Variants in HIRA observed in about 807,000 individuals in gnomAD.
The protein encoded by HIRA is histone cell cycle regulator, also known as protein HIRA.
A neutral mutation model predicts 126.6 loss-of-function variants in HIRA; 13 were observed. The ratio of observed to expected loss-of-function variants is 0.10; its 90% CI spans 0.07 to 0.16. The LOEUF (loss-of-function observed/expected upper bound fraction) is 0.16, where lower values mean the gene tolerates loss of function less well. HIRA is among the 10% of genes least tolerant of loss of function. HIRA has a pLI of 1.00. For synonymous variants in HIRA, 511 were observed against 520.0 expected (o/e 0.98, Z 0.24); for missense variants, 834 against 1,314.4 (o/e 0.63, Z 5.65).
chr22:19,346,829 A>G (rs1345860470), intron 24 of HIRA, among the ~76,000 whole-genome samples: 1 of 152,178 alleles, frequency 6.6e-6, no homozygotes, highest in East Asian at 1.9e-4. Flanking sequence ...CGGGTGGTAC[A>G]TACTGACAGG....
At chr22:19,429,069 A>C (rs1479258952) in intron 1 of HIRA, among the ~76,000 whole-genome samples, 1 of 152,120 alleles carries the variant, frequency 6.6e-6, no homozygotes, top group Non-Finnish European at 1.5e-5. Flanking sequence ...TTTTAAAAGA[A>C]AGGAAATTTA....
chr22:19,390,951 T>C (rs1260495465), intron 9 of HIRA, among the ~76,000 whole-genome samples: 1 of 145,774 alleles, frequency 6.9e-6, no homozygotes, highest in Admixed American at 6.6e-5. Flanking sequence ...CACTTGGTAC[T>C]ATTTTTTTGT....
intron 1 of HIRA, among the ~76,000 whole-genome samples, chr22:19,415,842 C>G (rs549401842): frequency 6.6e-6 from 1 of 151,988 alleles, no homozygotes; most frequent in Non-Finnish European, 1.5e-5. Context: ...TTAATGCAAT[C>G]CCTATGAAAA....
At chr22:19,411,691 T>C (rs955184389) in intron 1 of HIRA, among the ~76,000 whole-genome samples, 19 of 152,218 alleles carry the variant, frequency 1.2e-4, no homozygotes, top group South Asian at 6.2e-4. Context: ...GCATCAACAA[T>C]TGCTGATATA....
chr22:19,352,249 C>T (rs1294446748), intron 23 of HIRA, among the ~76,000 whole-genome samples: 1 of 151,560 alleles, frequency 6.6e-6, no homozygotes, highest in African/African-American at 2.4e-5. Flanking sequence ...AGATGGGTGG[C>T]GGGGCGGAGA....
At chr22:19,367,214 T>C (rs2088921732) in intron 15 of HIRA, among the ~76,000 whole-genome samples, 1 of 152,236 alleles carries the variant, frequency 6.6e-6, no homozygotes, top group South Asian at 2.1e-4. Flanking sequence ...ACATTCCATC[T>C]GAACTATTTT....
intron 24 of HIRA, among the ~76,000 whole-genome samples, chr22:19,341,756 G>A (rs977223869): frequency 2.0e-5 from 3 of 152,194 alleles, no homozygotes; most frequent in Non-Finnish European, 4.4e-5. Context: ...ACATATAGAA[G>A]AATGAAGCTG....
chr22:19,369,731 A>G (rs1358326594), intron 15 of HIRA, among the ~76,000 whole-genome samples: 1 of 152,142 alleles, frequency 6.6e-6, no homozygotes, highest in Non-Finnish European at 1.5e-5. Context: ...CAGGAGTTCA[A>G]GACCAGCCTG....
intron 1 of HIRA, among the ~76,000 whole-genome samples, chr22:19,423,273 C>T (rs1200081222): frequency 6.6e-6 from 1 of 152,114 alleles, no homozygotes; most frequent in Non-Finnish European, 1.5e-5. Context: ...TTCACAGGAT[C>T]TTGTTTGTGA....
intron 7 of HIRA, 26 bp downstream of exon 7, chr22:19,396,761 C>T: frequency 6.2e-7 from 1 of 1,611,292 alleles, no homozygotes; most frequent in South Asian, 1.1e-5. Flanking sequence ...TGCGGGGGCT[C>T]AGCTCCCTGA....
At chr22:19,395,928 G>A (rs1001423816) in intron 7 of HIRA, among the ~76,000 whole-genome samples, 12 of 152,128 alleles carry the variant, frequency 7.9e-5, no homozygotes, top group Admixed American at 1.3e-4. Flanking sequence ...CTCAAATAAC[G>A]GAAGAGAGAT....
At chr22:19,399,306 A>G (rs1331077611) in intron 5 of HIRA, 2 of 212,710 alleles carry the variant, frequency 9.4e-6, no homozygotes, top group Admixed American at 6.6e-5. Flanking sequence ...CCAAATATCT[A>G]TTGTATTTTT....
intron 1 of HIRA, among the ~76,000 whole-genome samples, chr22:19,421,488 T>C (rs1348495117): frequency 6.6e-6 from 1 of 152,192 alleles, no homozygotes; most frequent in Non-Finnish European, 1.5e-5. Flanking sequence ...TCTTCTAAAA[T>C]CACAAAATCA....
intron 24 of HIRA, among the ~76,000 whole-genome samples, chr22:19,340,083 G>A (rs1194093911): frequency 6.6e-6 from 1 of 152,074 alleles, no homozygotes; most frequent in Non-Finnish European, 1.5e-5. Flanking sequence ...GAAATCTACA[G>A]ACCAATATCC....
At chr22:19,366,568 A>G (rs1051297685) in intron 15 of HIRA, among the ~76,000 whole-genome samples, 1 of 152,210 alleles carries the variant, frequency 6.6e-6, no homozygotes, top group African/African-American at 2.4e-5. Context: ...TTCAGTGGAA[A>G]AAGTCATTAC....
intron 24 of HIRA, among the ~76,000 whole-genome samples, chr22:19,336,690 T>C (rs1556006012): frequency 6.6e-6 from 1 of 152,218 alleles, no homozygotes; most frequent in African/African-American, 2.4e-5. Context: ...AGCTGGGAGA[T>C]CTGAAGATGG....
In HIRA at chr22:19,387,745, T is replaced by C; in HGVS notation, c.1079A>G (p.Asp360Gly). ...CTCGCTCAGGGGATCGCCAAGCTCA[T>C]CCTGGGAGAAGTCGAGGAATGCCAC... ...GSVAFLDFSQ[D>G]ELGDPLSEEE... The change falls in exon 11 of 25, where the codon GAT (aspartate) becomes GGT (glycine). Residue 360 changes from aspartate to glycine, a missense_variant. By Grantham distance (94) the Asp-to-Gly change is moderately conservative (BLOSUM62 -1). Around this residue, in one of 5 missense-constraint regions of HIRA, gnomAD observed 153 missense variants for 270.6 expected, o/e 0.57. Coordinates refer to ENST00000263208, the MANE Select transcript of HIRA (RefSeq NM_003325.4). 1 of 1,613,894 alleles carries C rather than the reference T, an allele frequency of 6.2e-7. No homozygotes were observed. Among genetic ancestry groups the C allele is most frequent in the Non-Finnish European group, 8.5e-7 (1 of 1,179,958 alleles).
At chr22:19,376,780 T>C (rs972482559) in intron 14 of HIRA, among the ~76,000 whole-genome samples, 1 of 152,132 alleles carries the variant, frequency 6.6e-6, no homozygotes, top group Non-Finnish European at 1.5e-5. Flanking sequence ...ATTCCACCAA[T>C]GGAGAATTGC....
At chr22:19,400,058 A>T (rs1053997872) in intron 5 of HIRA, among the ~76,000 whole-genome samples, 1 of 152,188 alleles carries the variant, frequency 6.6e-6, no homozygotes, top group South Asian at 2.1e-4. Context: ...CCCAGAAAGG[A>T]GAAGGGATTT....
Sources: gnomAD v4.1 joint callset for allele counts (sites outside exome capture counted in the v4.1 genomes callset) on GRCh38, gnomAD v4.1.1 for gene constraint, gnomAD v4.1.1 regional missense constraint, MANE v1.5 for transcripts, NCBI Gene and HGNC (gene_info 2026-07-23, HGNC 2026-07-21) for gene names.